Variants in NAA40 observed in about 807,000 individuals in gnomAD.
NAA40 encodes N-alpha-acetyltransferase 40, NatD catalytic subunit, also known as N-alpha-acetyltransferase 40.
A neutral mutation model predicts 36.6 loss-of-function variants in NAA40; 26 were observed. The ratio of observed to expected loss-of-function variants is 0.71; its 90% CI spans 0.52 to 0.98. The LOEUF is 0.98. Ranked by LOEUF, NAA40 falls within the 50% of genes least tolerant of loss-of-function variation. NAA40 has a pLI of 0.00. For synonymous variants in NAA40, 129 were observed against 108.4 expected (o/e 1.19, Z -1.18); for missense variants, 237 against 306.5 (o/e 0.77, Z 1.69).
chr11:63,952,165 T>C (rs1444569935), intron 3 of NAA40, 73 bp from the exon 4 acceptor site: 28 of 1,204,550 alleles, frequency 2.3e-5, no homozygotes, highest in Non-Finnish European at 3.3e-5. Flanking sequence ...TCCCTGTGAT[T>C]CTGAGGGAGG....
Position 63,952,799 on chromosome 11 carries a change from G to C in NAA40, c.454G>C (p.Gly152Arg). ...LESKVRRKGL[G>R]KFLIQILQLM... ...AAGCAAGGTGCGGCGGAAAGGCCTG[G>C]GGAAGTTCCTCATACAGATCCTGCA... The change falls in exon 6 of 8, where the codon GGG (glycine) becomes CGG (arginine). Residue 152 changes from glycine to arginine, a missense_variant. Coordinates refer to ENST00000377793, the MANE Select transcript of NAA40 (RefSeq NM_024771.4). 2 of 1,614,120 alleles carry C rather than the reference G, an allele frequency of 1.2e-6. No homozygotes were observed. The highest frequency in any genetic ancestry group is 8.5e-7 in the Non-Finnish European group (1 of 1,180,038).
rs576428305 is a variant in NAA40, at chr11:63,946,524, C to T, written c.103-427C>T. 14 of 1,143,864 alleles carry T rather than the reference C, an allele frequency of 1.2e-5. No homozygotes were observed. In the Admixed American group the frequency reaches 4.3e-4, roughly 35 times the overall value. The allele number at this position is 1,143,864 out of a possible 1,614,324, so 70.9% of individuals were successfully genotyped here. On this transcript the variant is annotated intron_variant, in intron 2 of 7. Coordinates refer to ENST00000377793, the MANE Select transcript of NAA40 (RefSeq NM_024771.4). The stretch of plus-strand genomic sequence containing the variant: ...CCAGCCCCTGCCTCCATTTAGTATC[C>T]CATTTTTTGGTCATTCTTTTAACCC...
chr11:63,957,025 T>TTTTG lies in NAA40; in HGVS notation c.*2559_*2562dup, dbSNP rs546650584. On this transcript the variant is annotated 3_prime_UTR_variant, in exon 8 of 8. Coordinates refer to ENST00000377793, the MANE Select transcript of NAA40 (RefSeq NM_024771.4). ...GGCCTTTTTTACCAGGCTTTTTGTG[T>TTTTG]TTTGTTTGTTTGTTTGGAGCATGTT... The TTTTG allele has an allele frequency of 6.6e-6, 1 of 151,606 alleles. No homozygotes were observed. Among genetic ancestry groups the TTTTG allele is most frequent in the South Asian group, 2.1e-4 (1 of 4,806 alleles). 9.4% of individuals were successfully genotyped at this position (151,606 alleles called of 1,614,324 possible).
intron 3 of NAA40, among the ~76,000 whole-genome samples, chr11:63,948,524 C>T (rs969016568): frequency 2.0e-5 from 3 of 151,540 alleles, no homozygotes; most frequent in African/African-American, 7.3e-5. Flanking sequence ...CGAGACCATC[C>T]TGGCTAACAC....
At chr11:63,945,969 T>A in intron 2 of NAA40, 34 bp downstream of exon 2, 1 of 1,562,878 alleles carries the variant, frequency 6.4e-7, no homozygotes, top group Non-Finnish European at 8.8e-7. Context: ...CCCTGCCTCC[T>A]GGGACTTCAG....
intron 1 of NAA40, among the ~76,000 whole-genome samples, chr11:63,945,214 C>T (rs893910392): frequency 6.6e-6 from 1 of 152,208 alleles, no homozygotes; most frequent in Non-Finnish European, 1.5e-5. Flanking sequence ...CCTTTGGGCC[C>T]CTGCCCTCTG....
Position 63,945,823 on chromosome 11 carries a change from G to A in NAA40, c.7-17G>A. On this transcript the variant is annotated splice_polypyrimidine_tract_variant and intron_variant, in intron 1 of 7. Coordinates refer to ENST00000377793, the MANE Select transcript of NAA40 (RefSeq NM_024771.4). ...GGCCACAGCCATTCCAGCTAACGTT[G>A]CTTTTCCCTGTTGCAGAGAAAGTCA... 1 of 1,610,966 alleles carries A rather than the reference G, an allele frequency of 6.2e-7. No homozygotes were observed. The highest frequency in any genetic ancestry group is 8.5e-7 in the Non-Finnish European group (1 of 1,177,152).
chr11:63,946,154 G>T (rs1231212058), intron 2 of NAA40: 48 of 566,882 alleles, frequency 8.5e-5, no homozygotes, highest in Non-Finnish European at 1.4e-4. Flanking sequence ...CCAGTGAAGT[G>T]GCTGCCTCCC....
chr11:63,946,454 C>T (rs1942188333), intron 2 of NAA40: 1 of 940,748 alleles, frequency 1.1e-6, no homozygotes, highest in Non-Finnish European at 1.3e-6. Flanking sequence ...TTTCACCTGC[C>T]TTGGCCTCCC....
At chr11:63,946,061 T>C (rs1942181443) in intron 2 of NAA40, 126 bp downstream of exon 2, 7 of 818,342 alleles carry the variant, frequency 8.6e-6, no homozygotes, top group African/African-American at 1.7e-5. Flanking sequence ...TCTGCCTCCT[T>C]GCTGTGCAGG....
intron 6 of NAA40, 111 bp from the exon 7 acceptor site, chr11:63,953,861 C>A: frequency 1.1e-6 from 1 of 879,194 alleles, no homozygotes; most frequent in Non-Finnish European, 1.8e-6. Context: ...AACTCCTGGG[C>A]TCAAATGATC....
At chr11:63,954,138 C>T in intron 7 of NAA40, 89 bp downstream of exon 7, 3 of 1,447,940 alleles carry the variant, frequency 2.1e-6, no homozygotes, top group South Asian at 2.3e-5. Flanking sequence ...ATTCTGATGC[C>T]TGAGCTCATG....
In NAA40 at chr11:63,939,003, T is replaced by G. The variant is rs953039146; in HGVS notation, c.-94T>G. ...GAGGCGCATGCGCGTTGCAGGGCCG[T>G]CCGCTCTGCTGCCGCCGCTGTTGCA... On this transcript the variant is annotated 5_prime_UTR_variant, in exon 1 of 8. Transcript: ENST00000377793. 22 of 911,070 alleles carry G rather than the reference T, an allele frequency of 2.4e-5. No individual in the cohort carries two copies. Among genetic ancestry groups the G allele is most frequent in the African/African-American group, 1.4e-4 (7 of 49,970 alleles). 56.4% of individuals were successfully genotyped at this position (911,070 alleles called of 1,614,324 possible).
At chr11:63,945,719 TG>T in intron 1 of NAA40, 120 bp from the exon 2 acceptor site, 1 of 833,786 alleles carries the variant, frequency 1.2e-6, no homozygotes, top group Non-Finnish European at 2.0e-6. Flanking sequence ...GCAGCAGAGG[TG>T]GGAAATTTCT....
At chr11:63,950,629 A>AT (rs1356714298) in intron 3 of NAA40, among the ~76,000 whole-genome samples, 1 of 151,078 alleles carries the variant, frequency 6.6e-6, no homozygotes, top group Admixed American at 6.6e-5. Context: ...CGCCCGGCTA[A>AT]TTTTTTGTAT....
chr11:63,955,060 T>C lies in NAA40; in HGVS notation c.*581T>C, dbSNP rs753124923. ...AATGAAGAAAGCTCTTTCCAGCTGTTTTTATGGATTCATGGAGTGGGCTCA... is the reference window on the plus strand; with the variant it reads ...AATGAAGAAAGCTCTTTCCAGCTGTCTTTATGGATTCATGGAGTGGGCTCA... On this transcript the variant is annotated 3_prime_UTR_variant, in exon 8 of 8. Coordinates refer to ENST00000377793, the MANE Select transcript of NAA40 (RefSeq NM_024771.4). 5 of 152,558 alleles carry C rather than the reference T, an allele frequency of 3.3e-5. No individual in the cohort carries two copies. The highest frequency in any genetic ancestry group is 1.2e-4 in the African/African-American group (5 of 41,410). The allele number at this position is 152,558 out of a possible 1,614,324, so 9.5% of individuals were successfully genotyped here. A position where few individuals can be genotyped will look rare whatever the true frequency, so the allele number is the denominator to read the frequency against.
At chr11:63,950,430 T>C (rs539044968) in intron 3 of NAA40, among the ~76,000 whole-genome samples, 1 of 151,570 alleles carries the variant, frequency 6.6e-6, no homozygotes, top group East Asian at 2.0e-4. Flanking sequence ...GGAAAGTCTT[T>C]TGACATACTT....
At position 63,953,045 on chromosome 11, in the gene NAA40, C is replaced by CTTTTT. The variant is rs34261976; in HGVS notation, c.494+222_494+226dup. Among the ~76,000 whole-genome samples, 211 of 106,708 alleles carry CTTTTT rather than the reference C, an allele frequency of 2.0e-3. 10 individuals are homozygous for CTTTTT. Among genetic ancestry groups the CTTTTT allele is most frequent in the East Asian group, 3.3e-3 (11 of 3,380 alleles). The allele number at this position is 106,708 out of a possible 152,430, so 70.0% of individuals were successfully genotyped here. A position where few individuals can be genotyped will look rare whatever the true frequency, so the allele number is the denominator to read the frequency against. ...TTGTTTAGCTCAGTGCAGTGAACAT[C>CTTTTT]TTTTTTTTTTTTTTTTTTTTGAGAC... On this transcript the variant is annotated intron_variant, in intron 6 of 7. Transcript: ENST00000377793.
In NAA40 at chr11:63,950,015, A is replaced by G. The variant is rs570424538; in HGVS notation, c.156-2223A>G. 8.7e-4 allele frequency among the ~76,000 whole-genome samples: 132 copies of G among 151,902 alleles called. 1 individual carries two copies. The highest frequency in any genetic ancestry group is 3.0e-3 in the African/African-American group (124 of 41,406). ...CGCCTCGGCCTCCCAAAGTGCTGGG[A>G]TTACAGGTGTGAGCCACCGTGCCCA... On this transcript the variant is annotated intron_variant, in intron 3 of 7. Coordinates refer to ENST00000377793, the MANE Select transcript of NAA40 (RefSeq NM_024771.4).
Sources: allele counts gnomAD v4.1 joint callset (sites outside exome capture counted in the v4.1 genomes callset), GRCh38; gene constraint gnomAD v4.1.1; transcripts MANE v1.5; gene names NCBI Gene and HGNC (gene_info 2026-07-23, HGNC 2026-07-21).